The following GPC6 variants were observed in gnomAD, a reference collection of about 807,000 sequenced individuals.
The protein encoded by GPC6 is glypican 6.
GPC6 carries 14 observed loss-of-function variants against 55.2 expected under a neutral mutation model. The observed-to-expected ratio is 0.25, with a 90% CI of 0.17 to 0.40. The LOEUF (loss-of-function observed/expected upper bound fraction) is 0.40. GPC6 is among the 10% of genes least tolerant of loss of function. GPC6 has a pLI of 1.00. For missense variants in GPC6, 641 were observed against 708.5 expected, an observed-to-expected ratio of 0.90 and a Z score of 1.08; for synonymous variants, 278 against 259.6, an observed-to-expected ratio of 1.07 and a Z score of -0.68.
chr13:94,346,122 T>C lies in GPC6; in HGVS notation c.1153-36292T>C, dbSNP rs568579484. Among the ~76,000 whole-genome samples the C allele has an allele frequency of 8.5e-5, 13 of 152,332 alleles. No homozygotes were observed. The East Asian group carries it at 2.3e-3, about 27-fold the overall frequency. ...TGTCTTATAAGGACACCAGTCATAT[T>C]GGGTTAAGATCCCACTTTATTCTGG... On this transcript the variant is annotated intron_variant, in intron 6 of 8. Coordinates refer to ENST00000377047, the MANE Select transcript of GPC6 (RefSeq NM_005708.5).
chr13:94,118,832 C>T lies in GPC6; in HGVS notation c.877+90938C>T, dbSNP rs960097048. ...TTGTTCTAGCAGAAAGAGAAACCTA[C>T]TATATGCCAAAGAAACACTTCCTGT... On this transcript the variant is annotated intron_variant, in intron 4 of 8. Transcript: ENST00000377047. Among the ~76,000 whole-genome samples the T allele has an allele frequency of 3.3e-5, 5 of 152,196 alleles. No homozygotes were observed. The East Asian group carries it at 9.7e-4, about 29-fold the overall frequency.
intron 2 of GPC6, among the ~76,000 whole-genome samples, chr13:93,721,778 G>A (rs1883463163): frequency 6.6e-6 from 1 of 151,736 alleles, no homozygotes; most frequent in Non-Finnish European, 1.5e-5. Flanking sequence ...TAACTTAATA[G>A]TATACATGTA....
chr13:93,838,907 G>A (rs146906661), intron 3 of GPC6, among the ~76,000 whole-genome samples: 1 of 152,238 alleles, frequency 6.6e-6, no homozygotes, highest in East Asian at 1.9e-4. Flanking sequence ...ATGTTTGTTG[G>A]CAAAGGATAG....
chr13:93,390,543 C>T (rs1875585472), intron 1 of GPC6, among the ~76,000 whole-genome samples: 1 of 152,016 alleles, frequency 6.6e-6, no homozygotes, highest in Non-Finnish European at 1.5e-5. Context: ...GTGTTATGGG[C>T]AGGAGTGGAA....
At chr13:94,121,915 T>G (rs1404625714) in intron 4 of GPC6, among the ~76,000 whole-genome samples, 1 of 152,230 alleles carries the variant, frequency 6.6e-6, no homozygotes, top group East Asian at 1.9e-4. Flanking sequence ...CATTCCATGC[T>G]TCAGCACAAC....
intron 4 of GPC6, among the ~76,000 whole-genome samples, chr13:94,170,367 A>C (rs1337581184): frequency 6.6e-6 from 1 of 152,192 alleles, no homozygotes; most frequent in Non-Finnish European, 1.5e-5. Flanking sequence ...TATTCATGCC[A>C]GTAACTCAGC....
rs748202641 is a variant in GPC6, at chr13:93,830,520, G to A, written c.686G>A (p.Arg229Lys). 1.2e-6 allele frequency: 2 copies of A among 1,606,818 alleles called. No homozygotes were observed. Among genetic ancestry groups the A allele is most frequent in the Non-Finnish European group, 1.7e-6 (2 of 1,176,838 alleles). Residue 229 changes from arginine to lysine, a missense_variant, in exon 3 of 9, where the codon AGA (arginine) becomes AAA (lysine). By Grantham distance (26) the Arg-to-Lys change is conservative (BLOSUM62 2). Coordinates refer to ENST00000377047, the MANE Select transcript of GPC6 (RefSeq NM_005708.5). ...TTTGTCCAGGGGCTGACTGTGGGCA[G>A]AGAAGTTGCAAACCGAGTTTCCAAG... The part of the protein sequence containing the change: ...RTFVQGLTVG[R>K]EVANRVSKVS...
chr13:93,608,011 G>A (rs549589464), intron 2 of GPC6, among the ~76,000 whole-genome samples: 103 of 140,746 alleles, frequency 7.3e-4, no homozygotes, highest in Non-Finnish European at 1.4e-3. Flanking sequence ...TTCTCTCTTT[G>A]GAGCCACTCC....
At chr13:94,042,252 C>A (rs759700952) in intron 4 of GPC6, among the ~76,000 whole-genome samples, 165 of 151,808 alleles carry the variant, frequency 1.1e-3, no homozygotes, top group Non-Finnish European at 2.0e-3. Context: ...GAGGCCTCCC[C>A]AGAAGCAGAA....
At chr13:93,902,934 A>T (rs977695675) in intron 3 of GPC6, among the ~76,000 whole-genome samples, 5 of 152,180 alleles carry the variant, frequency 3.3e-5, no homozygotes, top group African/African-American at 1.2e-4. Flanking sequence ...CCATGCACTT[A>T]TAGCCTACTG....
chr13:93,442,044 A>G (rs73554704), intron 1 of GPC6, among the ~76,000 whole-genome samples: 1,872 of 152,298 alleles, frequency 0.012, 39 homozygotes, highest in African/African-American at 0.043. Context: ...TTTGAGAACA[A>G]AAGAAGATAG....
At chr13:93,866,429 C>T (rs756353910) in intron 3 of GPC6, among the ~76,000 whole-genome samples, 37 of 151,480 alleles carry the variant, frequency 2.4e-4, no homozygotes, top group Non-Finnish European at 4.6e-4. Context: ...GTATGTTCAC[C>T]ACAACGCCGT....
At chr13:94,193,251 C>T (rs1228813043) in intron 4 of GPC6, among the ~76,000 whole-genome samples, 1 of 152,070 alleles carries the variant, frequency 6.6e-6, no homozygotes, top group African/African-American at 2.4e-5. Flanking sequence ...GGAATGCCAC[C>T]CAGGAGGCCT....
At chr13:94,262,866 G>A (rs577729405) in intron 4 of GPC6, among the ~76,000 whole-genome samples, 1 of 152,078 alleles carries the variant, frequency 6.6e-6, no homozygotes, top group African/African-American at 2.4e-5. Flanking sequence ...TTCTGTTTAT[G>A]TAAAACAGAG....
At chr13:93,612,221 T>C (rs1157859686) in intron 2 of GPC6, among the ~76,000 whole-genome samples, 3 of 152,286 alleles carry the variant, frequency 2.0e-5, no homozygotes, top group East Asian at 3.9e-4. Flanking sequence ...CATGTTAGGC[T>C]GGGCGCGGTG....
chr13:94,314,484 C>T (rs79957616), intron 6 of GPC6, among the ~76,000 whole-genome samples: 10,417 of 152,196 alleles, frequency 0.068, 845 homozygotes, highest in African/African-American at 0.2. Context: ...ACTCGTTTCA[C>T]GGTAACTGTC....
chr13:93,436,053 A>G lies in GPC6; in HGVS notation c.161-109210A>G, dbSNP rs932327651. On this transcript the variant is annotated intron_variant, in intron 1 of 8. Transcript: ENST00000377047. The stretch of plus-strand genomic sequence containing the variant: ...TGCCATGATGTACATAGTGTTGCTT[A>G]AGTAAATCCCCCTGTTTGAGACCAA... Among the ~76,000 whole-genome samples the G allele has an allele frequency of 2.6e-5, 4 of 152,134 alleles. No homozygotes were observed. The East Asian group carries it at 7.7e-4, about 29-fold the overall frequency.
chr13:93,956,181 C>G (rs956107501), intron 3 of GPC6, among the ~76,000 whole-genome samples: 1 of 152,012 alleles, frequency 6.6e-6, no homozygotes, highest in African/African-American at 2.4e-5. Context: ...TTTTTCTTCT[C>G]TCACTCTCTC....
intron 1 of GPC6, among the ~76,000 whole-genome samples, chr13:93,311,084 A>G (rs1879049903): frequency 6.6e-6 from 1 of 152,166 alleles, no homozygotes; most frequent in Admixed American, 6.5e-5. Context: ...TGCCTGTGGA[A>G]CCCAGAAATT....
Sources: gnomAD v4.1 joint callset for allele counts (sites outside exome capture counted in the v4.1 genomes callset) on GRCh38, gnomAD v4.1.1 for gene constraint, MANE v1.5 for transcripts, NCBI Gene and HGNC (gene_info 2026-07-23, HGNC 2026-07-21) for gene names.